Variants in DCDC1 observed in about 807,000 individuals in gnomAD.
DCDC1 encodes the protein doublecortin domain containing 1, also known as doublecortin domain-containing protein 1.
Under a neutral mutation model 178.3 loss-of-function variants are expected in DCDC1, and 200 were observed. The observed-to-expected ratio is 1.12, with a 90% CI of 1.00 to 1.26. The LOEUF (loss-of-function observed/expected upper bound fraction) is 1.26, where lower values mean the gene tolerates loss of function less well. Among genes scored for constraint, DCDC1 ranks in the 50% most tolerant of loss-of-function variants. DCDC1 has a pLI of 0.00. For synonymous variants in DCDC1, 690 were observed against 604.8 expected (o/e 1.14, Z -2.07); for missense variants, 1,983 against 1,749.2 (o/e 1.13, Z -2.38).
intron 1 of DCDC1, among the ~76,000 whole-genome samples, 160 bp downstream of exon 1, chr11:31,369,537 G>T (rs1952163882): frequency 6.6e-6 from 1 of 152,134 alleles, no homozygotes; most frequent in Admixed American, 6.5e-5. Context: ...AGTAGCTCAG[G>T]GTACGGTAAA....
At chr11:31,244,539 C>G (rs983927596) in intron 8 of DCDC1, among the ~76,000 whole-genome samples, 1 of 151,632 alleles carries the variant, frequency 6.6e-6, no homozygotes, top group African/African-American at 2.4e-5. Context: ...TATTTGTGTG[C>G]GTAACTACAC....
chr11:31,065,210 T>C, intron 18 of DCDC1, 57 bp from the exon 19 acceptor site: 1 of 620,102 alleles, frequency 1.6e-6, no homozygotes, highest in Middle Eastern at 3.3e-4. Context: ...TAGCCAAAAA[T>C]CCATCCAACT....
At chr11:31,293,994 G>C (rs888351706) in intron 6 of DCDC1, among the ~76,000 whole-genome samples, 1 of 152,114 alleles carries the variant, frequency 6.6e-6, no homozygotes, top group Non-Finnish European at 1.5e-5. Flanking sequence ...CTCTCTCGGC[G>C]AGACCTTGAA....
chr11:31,046,429 C>T (rs1954845557), intron 20 of DCDC1, among the ~76,000 whole-genome samples: 1 of 151,774 alleles, frequency 6.6e-6, no homozygotes, highest in Non-Finnish European at 1.5e-5. Flanking sequence ...ATGATGTGTA[C>T]CAAATAAACA....
At chr11:31,089,314 TTAGCTCCTCTTGTACA>T (rs1455235869) in intron 17 of DCDC1, among the ~76,000 whole-genome samples, 2 of 152,222 alleles carry the variant, frequency 1.3e-5, no homozygotes, top group Non-Finnish European at 2.9e-5. Flanking sequence ...CAGCCTTATT[TTAGCTCCTCTTGTACA>T]TAATACGCCT....
intron 11 of DCDC1, among the ~76,000 whole-genome samples, chr11:31,110,978 G>GAA (rs34133645): frequency 1.2e-4 from 18 of 150,408 alleles, no homozygotes; most frequent in African/African-American, 3.4e-4. Context: ...ACTCGCTGGG[G>GAA]AAAAAAAAAA....
At chr11:31,097,297 C>T (rs1246089014) in intron 15 of DCDC1, among the ~76,000 whole-genome samples, 1 of 152,182 alleles carries the variant, frequency 6.6e-6, no homozygotes, top group Non-Finnish European at 1.5e-5. Context: ...ATGATCTTCT[C>T]TTGCACATTT....
At chr11:30,898,243 T>C (rs1337686498) in intron 34 of DCDC1, among the ~76,000 whole-genome samples, 1 of 152,184 alleles carries the variant, frequency 6.6e-6, no homozygotes, top group Non-Finnish European at 1.5e-5. Context: ...TCATAATACC[T>C]TCGCATTTTT....
chr11:31,327,618 G>C (rs1292965558), intron 3 of DCDC1, among the ~76,000 whole-genome samples: 1 of 152,048 alleles, frequency 6.6e-6, no homozygotes, highest in African/African-American at 2.4e-5. Flanking sequence ...TACATTTATT[G>C]CATCATCTAC....
chr11:31,132,914 T>C (rs1962631693), intron 10 of DCDC1, among the ~76,000 whole-genome samples: 1 of 152,092 alleles, frequency 6.6e-6, no homozygotes, highest in Admixed American at 6.5e-5. Flanking sequence ...AAACCCAAAC[T>C]TCTGAAAGAA....
chr11:31,216,328 AC>A (rs1430058936), intron 9 of DCDC1, among the ~76,000 whole-genome samples: 1 of 152,202 alleles, frequency 6.6e-6, no homozygotes, highest in African/African-American at 2.4e-5. Context: ...ATACATACAT[AC>A]AAAAACTTTG....
intron 36 of DCDC1, among the ~76,000 whole-genome samples, chr11:30,881,785 T>C (rs1429670942): frequency 6.6e-6 from 1 of 152,182 alleles, no homozygotes; most frequent in African/African-American, 2.4e-5. Flanking sequence ...TCACTGGCTC[T>C]ATGATTCTAT....
intron 9 of DCDC1, among the ~76,000 whole-genome samples, chr11:31,154,026 CA>C (rs1397510401): frequency 6.6e-6 from 1 of 152,160 alleles, no homozygotes; most frequent in Non-Finnish European, 1.5e-5. Context: ...ATCATGGGGG[CA>C]GATTTCTCCC....
intron 20 of DCDC1, among the ~76,000 whole-genome samples, chr11:30,999,080 C>T (rs1212245888): frequency 6.6e-6 from 1 of 152,104 alleles, no homozygotes; most frequent in African/African-American, 2.4e-5. Flanking sequence ...TATCTGGCCA[C>T]TATTCAGAAG....
chr11:31,065,280 C>G, intron 18 of DCDC1, 127 bp from the exon 19 acceptor site: 2 of 472,828 alleles, frequency 4.2e-6, no homozygotes, highest in Non-Finnish European at 7.5e-6. Flanking sequence ...AAACTTTGTA[C>G]TTTATTATCA....
chr11:31,358,119 C>T (rs1171183438), intron 1 of DCDC1, among the ~76,000 whole-genome samples: 1 of 149,968 alleles, frequency 6.7e-6, no homozygotes, highest in Non-Finnish European at 1.5e-5. Context: ...AAAAAGAGCC[C>T]GCATCGCCAA....
rs748824632 is a variant in DCDC1 at position 30,916,917 on chromosome 11, T to C, written c.3405A>G (p.Lys1135=). 25 of 1,609,502 alleles carry C rather than the reference T, an allele frequency of 1.6e-5. No individual in the cohort carries two copies. The highest frequency in any genetic ancestry group is 1.6e-4 in the Middle Eastern group (1 of 6,078). The change falls in exon 26 of 39, where the codon AAA becomes AAG. Residue 1135 remains lysine (K), a synonymous_variant. Transcript: ENST00000684477. ...CATTTTCAAAGAGCCCTTTTTCCGT[T>C]TTCTTTGGAAGACTGTCATCCTCAT... ...DFDEDDSLPK[K]TEKGLFENVE...
chr11:30,876,646 C>T (rs1942154911), intron 38 of DCDC1, among the ~76,000 whole-genome samples: 1 of 152,124 alleles, frequency 6.6e-6, no homozygotes, highest in Non-Finnish European at 1.5e-5. Context: ...TCGCTTCAGG[C>T]GTATTCACAT....
At chr11:31,031,391 T>G (rs1219444200) in intron 20 of DCDC1, among the ~76,000 whole-genome samples, 2 of 152,190 alleles carry the variant, frequency 1.3e-5, no homozygotes, top group Admixed American at 6.5e-5. Flanking sequence ...CAAAGAGCTA[T>G]GTATGTAACT....
Sources: allele counts gnomAD v4.1 joint callset (sites outside exome capture counted in the v4.1 genomes callset), GRCh38; gene constraint gnomAD v4.1.1; transcripts MANE v1.5; gene names NCBI Gene and HGNC (gene_info 2026-07-23, HGNC 2026-07-21).